ULK4: variants seen among roughly 807,000 people sequenced by gnomAD.
ULK4 encodes unc-51 like kinase 4, also known as inactive serine/threonine-protein kinase ULK4.
In ULK4, 133 loss-of-function variants were observed where a neutral mutation model predicts 160.6. The ratio of observed to expected loss-of-function variants is 0.83; its 90% CI spans 0.72 to 0.96. The LOEUF (loss-of-function observed/expected upper bound fraction) is 0.96. ULK4 is among the 40% of genes least tolerant of loss of function. ULK4 has a pLI of 0.00. For missense variants in ULK4, 1,580 were observed against 1,499.5 expected (o/e 1.05, Z -0.89); for synonymous variants, 534 against 539.8 (o/e 0.99, Z 0.15).
chr3:41,851,792 C>T (rs565447161), intron 17 of ULK4, among the ~76,000 whole-genome samples: 3 of 151,862 alleles, frequency 2.0e-5, no homozygotes, highest in African/African-American at 7.3e-5. Flanking sequence ...CAAGAGAAAG[C>T]AGGAAAGATC....
At chr3:41,471,999 G>A (rs528915417) in intron 32 of ULK4, among the ~76,000 whole-genome samples, 1 of 146,368 alleles carries the variant, frequency 6.8e-6, no homozygotes, top group Admixed American at 6.8e-5. Flanking sequence ...AAAAATATCA[G>A]AGCAGAAAAC....
At chr3:41,619,675 A>G (rs2033147926) in intron 30 of ULK4, among the ~76,000 whole-genome samples, 1 of 152,148 alleles carries the variant, frequency 6.6e-6, no homozygotes, top group Non-Finnish European at 1.5e-5. Context: ...GAAAGATCTA[A>G]AATCGACACC....
rs184130413 is a variant in ULK4 at position 41,882,184 on chromosome 3, T to C, written c.1656+1690A>G. 224 of 702,424 alleles carry C rather than the reference T, an allele frequency of 3.2e-4. 3 individuals carry two copies. In the Admixed American group the frequency reaches 4.4e-3, roughly 14 times the overall value. The allele number at this position is 702,424 out of a possible 1,614,324, so 43.5% of individuals were successfully genotyped here. On this transcript the variant is annotated intron_variant, in intron 17 of 36. Coordinates refer to ENST00000301831, the MANE Select transcript of ULK4 (RefSeq NM_017886.4). ...TACAGTTTTATTTATTTTGAAATAT[T>C]TGTCAGTATCTATACATACACAAGG...
chr3:41,325,593 A>G (rs1446955161), intron 35 of ULK4, among the ~76,000 whole-genome samples: 1 of 152,166 alleles, frequency 6.6e-6, no homozygotes, highest in African/African-American at 2.4e-5. Context: ...GGTGTTTTTA[A>G]TAAAAGGATG....
At chr3:41,327,149 T>C (rs2080353728) in intron 35 of ULK4, among the ~76,000 whole-genome samples, 1 of 152,042 alleles carries the variant, frequency 6.6e-6, no homozygotes, top group South Asian at 2.1e-4. Context: ...AAAAAGAGGG[T>C]TGGAAATAAA....
intron 29 of ULK4, among the ~76,000 whole-genome samples, chr3:41,677,514 G>C (rs891137504): frequency 6.6e-6 from 1 of 151,332 alleles, no homozygotes; most frequent in Non-Finnish European, 1.5e-5. Context: ...TGTATCTTTA[G>C]TAGAGACCAG....
intron 34 of ULK4, among the ~76,000 whole-genome samples, chr3:41,417,847 A>G (rs949651936): frequency 4.6e-5 from 7 of 152,226 alleles, no homozygotes; most frequent in African/African-American, 1.7e-4. Context: ...TTAAAAACAT[A>G]CTAACTACTC....
intron 20 of ULK4, among the ~76,000 whole-genome samples, chr3:41,796,523 C>A (rs368090956): frequency 6.6e-6 from 1 of 152,008 alleles, no homozygotes; most frequent in Non-Finnish European, 1.5e-5. Context: ...ACCCAGGAGG[C>A]AGAGGTTGCA....
chr3:41,812,499 T>A (rs2040847406), intron 19 of ULK4, among the ~76,000 whole-genome samples: 1 of 152,144 alleles, frequency 6.6e-6, no homozygotes, highest in Admixed American at 6.5e-5. Flanking sequence ...GTATCCATGA[T>A]AATATGGAAT....
intron 32 of ULK4, among the ~76,000 whole-genome samples, chr3:41,561,038 T>A (rs892222773): frequency 6.6e-6 from 1 of 152,190 alleles, no homozygotes; most frequent in Non-Finnish European, 1.5e-5. Flanking sequence ...GATACGTTCC[T>A]TCAATACCTA....
chr3:41,513,940 C>G (rs1039067), intron 32 of ULK4, among the ~76,000 whole-genome samples: 127,688 of 152,030 alleles, frequency 0.84, 54,941 homozygotes, highest in Non-Finnish European at 0.94. Flanking sequence ...CAAGCACCAC[C>G]TGTTCCCTAA....
intron 32 of ULK4, among the ~76,000 whole-genome samples, chr3:41,556,006 A>C (rs76756218): frequency 0.061 from 9,282 of 152,158 alleles, 847 homozygotes; most frequent in African/African-American, 0.2. Flanking sequence ...GAAGAAAACA[A>C]CACACACTGG....
chr3:41,500,582 C>T (rs879420856), intron 32 of ULK4, among the ~76,000 whole-genome samples: 4 of 152,086 alleles, frequency 2.6e-5, no homozygotes, highest in Admixed American at 2.0e-4. Context: ...TGGCCCAATC[C>T]CCTGGATCGA....
intron 32 of ULK4, among the ~76,000 whole-genome samples, chr3:41,516,750 A>G (rs1385236860): frequency 7.2e-5 from 11 of 152,166 alleles, no homozygotes. Context: ...AAAACAGAAT[A>G]AATAAGACCT....
At chr3:41,908,994 G>A (rs1269738226) in intron 11 of ULK4, among the ~76,000 whole-genome samples, 7 of 151,470 alleles carry the variant, frequency 4.6e-5, no homozygotes, top group Non-Finnish European at 8.8e-5. Flanking sequence ...TTGGGAGGCT[G>A]AGGCAGGAGG....
chr3:41,602,984 T>C (rs1217964912), intron 31 of ULK4, among the ~76,000 whole-genome samples: 1 of 151,828 alleles, frequency 6.6e-6, no homozygotes, highest in Non-Finnish European at 1.5e-5. Flanking sequence ...ATGTAAAACA[T>C]TAAAAATCAG....
chr3:41,923,460 T>G (rs1243908886), intron 5 of ULK4, among the ~76,000 whole-genome samples: 2 of 152,130 alleles, frequency 1.3e-5, no homozygotes, highest in Non-Finnish European at 2.9e-5. Flanking sequence ...ATCACGCCAC[T>G]GCACTCCAGC....
intron 34 of ULK4, among the ~76,000 whole-genome samples, chr3:41,446,228 A>C (rs1170730398): frequency 6.6e-6 from 1 of 152,186 alleles, no homozygotes; most frequent in African/African-American, 2.4e-5. Flanking sequence ...AGGAAACAAC[A>C]GGTGCCGAAG....
At chr3:41,601,593 C>G (rs954967030) in intron 31 of ULK4, among the ~76,000 whole-genome samples, 1 of 152,064 alleles carries the variant, frequency 6.6e-6, no homozygotes, top group South Asian at 2.1e-4. Context: ...TTAACAATGA[C>G]AGGCCATGCT....
Sources: gnomAD v4.1 joint callset for allele counts (sites outside exome capture counted in the v4.1 genomes callset) on GRCh38, gnomAD v4.1.1 for gene constraint, MANE v1.5 for transcripts, NCBI Gene and HGNC (gene_info 2026-07-23, HGNC 2026-07-21) for gene names.